The following MYH11 variants were observed in gnomAD, a reference collection of about 807,000 sequenced individuals.
MYH11 encodes myosin heavy chain 11, also known as myosin-11.
MYH11 carries 80 observed loss-of-function variants against 246.6 expected under a neutral mutation model. The observed-to-expected ratio is 0.32, with a 90% CI of 0.27 to 0.39. The LOEUF (loss-of-function observed/expected upper bound fraction) is 0.39, where lower values mean the gene tolerates loss of function less well. MYH11 is among the 10% of genes least tolerant of loss of function. The pLI is 1.00. For missense variants in MYH11, 2,158 were observed against 2,546.8 expected (o/e 0.85, Z 3.29); for synonymous variants, 1,071 against 1,015.5 (o/e 1.05, Z -1.04).
intron 3 of MYH11, among the ~76,000 whole-genome samples, chr16:15,801,501 AT>A (rs34471712): frequency 0.028 from 4,161 of 150,628 alleles, 188 homozygotes; most frequent in African/African-American, 0.093. Flanking sequence ...ACAAAAAAAA[AT>A]TTTTTTTTAA....
intron 27 of MYH11, among the ~76,000 whole-genome samples, chr16:15,727,999 C>T (rs568737255): frequency 8.5e-4 from 129 of 152,194 alleles, no homozygotes; most frequent in South Asian, 2.7e-3. Flanking sequence ...GAGGCCAAGG[C>T]AGGTGGATCA....
At chr16:15,718,285 G>T (rs778120108) in intron 37 of MYH11, 30 bp downstream of exon 37, 2 of 1,606,422 alleles carry the variant, frequency 1.2e-6, no homozygotes, top group African/African-American at 2.7e-5. Flanking sequence ...ACAGTAGGCA[G>T]CGTGACTGTG....
intron 6 of MYH11, among the ~76,000 whole-genome samples, chr16:15,780,282 C>T (rs528163409): frequency 2.6e-5 from 4 of 151,902 alleles, no homozygotes; most frequent in Admixed American, 6.6e-5. Flanking sequence ...GGGGGGGGGC[C>T]GCTGTTGTTA....
intron 40 of MYH11, among the ~76,000 whole-genome samples, chr16:15,707,959 CAAAAAA>C (rs59081092): frequency 1.7e-5 from 2 of 115,938 alleles, no homozygotes; most frequent in African/African-American, 3.3e-5. Context: ...GACTCCGTCT[CAAAAAA>C]AAAAAAAAAA....
At chr16:15,855,542 C>T (rs2044443169) in intron 1 of MYH11, among the ~76,000 whole-genome samples, 1 of 152,124 alleles carries the variant, frequency 6.6e-6, no homozygotes, top group Non-Finnish European at 1.5e-5. Context: ...GCCTCAGCTG[C>T]CTTGTATACT....
chr16:15,703,907 G>GA lies in MYH11; in HGVS notation c.*83_*84insT. Reference sequence around the variant, plus strand: ...AGTACAGTCTGCTGGGTTTTGCTTTGTTCTGGGTTGTTGTTGGGTTTTTTT... The same window carrying GA: ...AGTACAGTCTGCTGGGTTTTGCTTTGATTCTGGGTTGTTGTTGGGTTTTTTT... On this transcript the variant is annotated 3_prime_UTR_variant, in exon 41 of 41. Transcript: ENST00000300036. 6.3e-7 allele frequency: 1 copy of GA among 1,586,838 alleles called. No homozygotes were observed. Among genetic ancestry groups the GA allele is most frequent in the Non-Finnish European group, 8.6e-7 (1 of 1,157,408 alleles).
intron 36 of MYH11, 158 bp from the exon 37 acceptor site, chr16:15,718,596 A>G (rs1363704757): frequency 1.7e-6 from 2 of 1,172,260 alleles, no homozygotes; most frequent in Non-Finnish European, 2.3e-6. Flanking sequence ...TTACACAGCC[A>G]GGAAGTGGAC....
chr16:15,794,354 C>CA (rs1190231341), intron 4 of MYH11, among the ~76,000 whole-genome samples: 1 of 152,236 alleles, frequency 6.6e-6, no homozygotes, highest in African/African-American at 2.4e-5. Context: ...GTAGGTCCTT[C>CA]AAGTCACTTT....
rs144751029 is a variant in MYH11, at chr16:15,786,765, G to A, written c.531-33C>T. 179 of 1,576,386 alleles carry A rather than the reference G, an allele frequency of 1.1e-4. 2 individuals are homozygous for A. In the East Asian group the frequency reaches 3.7e-3, roughly 33 times the overall value. The stretch of plus-strand genomic sequence containing the variant: ...ACACGGGAACATCATCTATGCACAC[G>A]TTCCATGGTGACCTTTCCGCAGTTC... On this transcript the variant is annotated intron_variant, in intron 4 of 40. Coordinates refer to ENST00000300036, the MANE Select transcript of MYH11 (RefSeq NM_002474.3).
chr16:15,809,433 G>A (rs1169233226), intron 3 of MYH11, among the ~76,000 whole-genome samples: 3 of 149,196 alleles, frequency 2.0e-5, no homozygotes, highest in African/African-American at 7.3e-5. Context: ...TTGGGAGGCT[G>A]AGAGGGGAGG....
intron 23 of MYH11, among the ~76,000 whole-genome samples, chr16:15,739,182 C>T (rs550781803): frequency 6.6e-6 from 1 of 152,154 alleles, no homozygotes; most frequent in Non-Finnish European, 1.5e-5. Context: ...TCACTGCAAC[C>T]TCTGCCTCCC....
intron 1 of MYH11, among the ~76,000 whole-genome samples, chr16:15,851,965 A>G (rs1404531127): frequency 6.6e-6 from 1 of 152,086 alleles, no homozygotes; most frequent in Admixed American, 6.6e-5. Context: ...ATAGTCTCCT[A>G]TGTCAGGGGT....
intron 26 of MYH11, 200 bp from the exon 27 acceptor site, chr16:15,732,908 C>G: frequency 1.6e-6 from 1 of 642,368 alleles, no homozygotes; most frequent in Non-Finnish European, 2.8e-6. Context: ...GAGCATATCA[C>G]CTGCCTAGGA....
intron 37 of MYH11, 110 bp downstream of exon 37, chr16:15,718,205 C>T (rs559423673): frequency 6.4e-6 from 10 of 1,562,124 alleles, no homozygotes; most frequent in Non-Finnish European, 7.8e-6. Flanking sequence ...TCTTGTCCCT[C>T]AATCCAGGGC....
At chr16:15,839,724 A>C (rs2044003391) in intron 1 of MYH11, among the ~76,000 whole-genome samples, 1 of 149,962 alleles carries the variant, frequency 6.7e-6, no homozygotes, top group African/African-American at 2.5e-5. Context: ...GCAAAATAGA[A>C]AAGGCATATC....
At chr16:15,837,098 T>C (rs1950310120) in intron 2 of MYH11, among the ~76,000 whole-genome samples, 1 of 152,180 alleles carries the variant, frequency 6.6e-6, no homozygotes. Flanking sequence ...TATTGTGCCA[T>C]CTCTAGTCCA....
At chr16:15,817,220 A>C (rs905211669) in intron 3 of MYH11, among the ~76,000 whole-genome samples, 1 of 152,204 alleles carries the variant, frequency 6.6e-6, no homozygotes, top group African/African-American at 2.4e-5. Flanking sequence ...GGCCGGGCGC[A>C]GTGGCTCATG....
rs193209876 is a variant in MYH11 at position 15,708,289 on chromosome 16, C to T, written c.5787-4166G>A. Among the ~76,000 whole-genome samples, 220 of 152,262 alleles carry T rather than the reference C, an allele frequency of 1.4e-3. 1 individual carries two copies. The highest frequency in any genetic ancestry group is 2.0e-3 in the Non-Finnish European group (134 of 68,020). On this transcript the variant is annotated intron_variant, in intron 40 of 40. Transcript: ENST00000300036. ...GCTGAATCATGGGAGGACTGGTTGC[C>T]GCGCCGCAGTTACCGTGAACTTTGT...
At chr16:15,763,579 GGTTT>G (rs1251905694) in intron 10 of MYH11, among the ~76,000 whole-genome samples, 1 of 151,942 alleles carries the variant, frequency 6.6e-6, no homozygotes, top group Non-Finnish European at 1.5e-5. Flanking sequence ...AAAACTATTA[GGTTT>G]GTTTTTTTTT....
Sources: gnomAD v4.1 joint callset for allele counts (sites outside exome capture counted in the v4.1 genomes callset) on GRCh38, gnomAD v4.1.1 for gene constraint, MANE v1.5 for transcripts, NCBI Gene and HGNC (gene_info 2026-07-23, HGNC 2026-07-21) for gene names.